DNAH12: variants seen among roughly 807,000 people sequenced by gnomAD.
The protein encoded by DNAH12 is dynein axonemal heavy chain 12, also known as axonemal beta dynein heavy chain 12.
DNAH12 carries 285 observed loss-of-function variants against 371.5 expected under a neutral mutation model. The observed-to-expected ratio is 0.77, with a 90% CI of 0.70 to 0.85. The LOEUF (loss-of-function observed/expected upper bound fraction) is 0.85. Ranked by LOEUF, DNAH12 falls within the 40% of genes least tolerant of loss-of-function variation. The pLI, the probability that DNAH12 is intolerant of heterozygous loss-of-function variation, is 0.00. For missense variants in DNAH12, 3,611 were observed against 3,689.4 expected, an observed-to-expected ratio of 0.98 and a Z score of 0.55; for synonymous variants, 1,200 against 1,213.0, an observed-to-expected ratio of 0.99 and a Z score of 0.22.
chr3:57,333,789 A>C (rs1367419902), intron 62 of DNAH12, among the ~76,000 whole-genome samples: 1 of 152,204 alleles, frequency 6.6e-6, no homozygotes, highest in Admixed American at 6.5e-5. Context: ...ACTCATCAAC[A>C]ATGTGATATT....
rs189090072 is a variant in DNAH12 at position 57,514,303 on chromosome 3, A to G, written c.280-3324T>C. On this transcript the variant is annotated intron_variant, in intron 4 of 73. Transcript: ENST00000495027. ...CAGCTACTTGGGAGGCTGAGGCAGG[A>G]GAATCGCTTGAACCCGGGAGGCAGA... 1.5e-4 allele frequency among the ~76,000 whole-genome samples: 23 copies of G among 151,870 alleles called. No individual in the cohort carries two copies. The East Asian group carries it at 3.9e-3, about 26-fold the overall frequency.
At chr3:57,532,919 A>G (rs2068900581) in intron 2 of DNAH12, among the ~76,000 whole-genome samples, 1 of 152,160 alleles carries the variant, frequency 6.6e-6, no homozygotes, top group Admixed American at 6.5e-5. Context: ...CCTCCCTTTC[A>G]GGAGGTGAGT....
chr3:57,444,769 A>G lies in DNAH12; in HGVS notation c.4473T>C (p.His1491=). 6.5e-7 allele frequency: 1 copy of G among 1,548,602 alleles called. No individual in the cohort carries two copies. The change falls in exon 29 of 74, where the codon CAT becomes CAC. Residue 1491 remains histidine, a synonymous_variant. Coordinates refer to ENST00000495027, the MANE Select transcript of DNAH12 (RefSeq NM_001366028.2). ...TTATTCCATTAAATAAAGGTATATC[A>G]TGTGATAAAAACTTTGGTTCATTTA... is the stretch of plus-strand genomic sequence containing the variant. ...KDVNEPKFLS[H]DIPLFNGITS... is the part of the protein sequence containing the mutation.
At chr3:57,354,125 C>G (rs1235048702) in intron 59 of DNAH12, among the ~76,000 whole-genome samples, 4 of 152,132 alleles carry the variant, frequency 2.6e-5, no homozygotes, top group African/African-American at 4.8e-5. Flanking sequence ...AACCTAGATG[C>G]CTGTCAATCG....
intron 70 of DNAH12, 112 bp downstream of exon 70, chr3:57,301,623 A>C (rs1345372003): frequency 7.4e-7 from 1 of 1,353,156 alleles, no homozygotes; most frequent in African/African-American, 1.5e-5. Flanking sequence ...CAGTTAACCC[A>C]AAAAATAAAA....
At position 57,452,947 on chromosome 3, in the gene DNAH12, G is replaced by A. The variant is rs1305831224; in HGVS notation, c.3682C>T (p.Arg1228Ter). Residue 1228 changes from arginine (R) to a stop codon, truncating the protein, a stop_gained, in exon 25 of 74, where the codon CGA becomes TGA. Coordinates refer to ENST00000495027, the MANE Select transcript of DNAH12 (RefSeq NM_001366028.2). LOFTEE classifies it high-confidence loss of function. ...LRYYWENENA[R>*]VRIINCNVKY... ...ACATTGCAATTAATGATACGAACTCGGGCATTCTCATTTTCCCAATAATAT... is the reference window on the plus strand; with the variant it reads ...ACATTGCAATTAATGATACGAACTCAGGCATTCTCATTTTCCCAATAATAT... 9.0e-6 allele frequency: 14 copies of A among 1,551,138 alleles called. No individual in the cohort carries two copies. The highest frequency in any genetic ancestry group is 5.9e-5 in the Admixed American group (3 of 50,934).
At chr3:57,397,692 A>G (rs2153349770) in intron 43 of DNAH12, among the ~76,000 whole-genome samples, 1 of 152,328 alleles carries the variant, frequency 6.6e-6, no homozygotes, top group East Asian at 1.9e-4. Context: ...GGAAATTAAG[A>G]CAGTCAAAAG....
intron 2 of DNAH12, among the ~76,000 whole-genome samples, chr3:57,535,910 C>G (rs1038604445): frequency 7.3e-5 from 11 of 150,760 alleles, no homozygotes; most frequent in African/African-American, 2.7e-4. Context: ...GATCTCAGCT[C>G]ACTGTAACCT....
intron 51 of DNAH12, among the ~76,000 whole-genome samples, chr3:57,380,013 TAAC>T (rs1395831316): frequency 3.3e-5 from 5 of 152,040 alleles, no homozygotes; most frequent in African/African-American, 1.2e-4. Flanking sequence ...TAATTTATCA[TAAC>T]AAGACATTTA....
Position 57,403,734 on chromosome 3 carries a change from T to G in DNAH12, c.6756-233A>C, listed in dbSNP as rs908648933. On this transcript the variant is annotated intron_variant, in intron 42 of 73. Coordinates refer to ENST00000495027, the MANE Select transcript of DNAH12 (RefSeq NM_001366028.2). ...AAGTTCAAATTCAGGAAATTTGATATACAAGTTATACAAATAAAATGAAAT... is the reference window on the plus strand; with the variant it reads ...AAGTTCAAATTCAGGAAATTTGATAGACAAGTTATACAAATAAAATGAAAT... Among the ~76,000 whole-genome samples the G allele has an allele frequency of 2.0e-5, 3 of 152,320 alleles. No homozygotes were observed. The East Asian group carries it at 5.8e-4, about 29-fold the overall frequency.
chr3:57,300,380 A>G (rs544094612), intron 70 of DNAH12, among the ~76,000 whole-genome samples: 68 of 152,368 alleles, frequency 4.5e-4, no homozygotes, highest in African/African-American at 1.3e-3. Context: ...TATAGCTTCT[A>G]TAAGGGTAAG....
chr3:57,397,962 A>T (rs2063779516), intron 43 of DNAH12, among the ~76,000 whole-genome samples: 1 of 152,226 alleles, frequency 6.6e-6, no homozygotes, highest in African/African-American at 2.4e-5. Context: ...ACCATAAGGA[A>T]ATGCAGATCT....
intron 29 of DNAH12, among the ~76,000 whole-genome samples, chr3:57,440,473 C>A (rs1230876885): frequency 6.6e-6 from 1 of 152,098 alleles, no homozygotes; most frequent in Non-Finnish European, 1.5e-5. Context: ...TAGGCAAACA[C>A]TGGGTACTCA....
intron 60 of DNAH12, among the ~76,000 whole-genome samples, chr3:57,336,997 G>A (rs1295826203): frequency 6.6e-6 from 1 of 152,110 alleles, no homozygotes; most frequent in East Asian, 1.9e-4. Flanking sequence ...ACTATATGCT[G>A]CCTACATGAA....
chr3:57,380,589 C>T (rs1478892022), intron 50 of DNAH12, among the ~76,000 whole-genome samples: 1 of 152,100 alleles, frequency 6.6e-6, no homozygotes, highest in Non-Finnish European at 1.5e-5. Flanking sequence ...TTCAGCCTCC[C>T]GAGTAGCTGA....
At chr3:57,521,952 G>A (rs955362614) in intron 4 of DNAH12, among the ~76,000 whole-genome samples, 1 of 151,604 alleles carries the variant, frequency 6.6e-6, no homozygotes, top group Non-Finnish European at 1.5e-5. Flanking sequence ...GGCCAGGCGA[G>A]ATGTCTCACA....
chr3:57,519,992 C>T (rs891661794), intron 4 of DNAH12: 7 of 789,016 alleles, frequency 8.9e-6, no homozygotes, highest in South Asian at 5.8e-5. Flanking sequence ...GGTTCCTCGC[C>T]GTCTTCCACG....
chr3:57,501,789 C>T (rs1341748552), intron 10 of DNAH12, among the ~76,000 whole-genome samples: 2 of 152,224 alleles, frequency 1.3e-5, no homozygotes, highest in African/African-American at 4.8e-5. Flanking sequence ...TTCTCAGAAA[C>T]TACCTTGCTT....
At chr3:57,399,497 C>A (rs1252486471) in intron 43 of DNAH12, among the ~76,000 whole-genome samples, 1 of 152,038 alleles carries the variant, frequency 6.6e-6, no homozygotes. Context: ...CAAATGGTAA[C>A]TAAGAGAGAG....
Sources: gnomAD v4.1 joint callset for allele counts (sites outside exome capture counted in the v4.1 genomes callset) on GRCh38, gnomAD v4.1.1 for gene constraint, MANE v1.5 for transcripts, NCBI Gene and HGNC (gene_info 2026-07-23, HGNC 2026-07-21) for gene names.